Variants in DPP10 observed in about 807,000 individuals in gnomAD.
The protein encoded by DPP10 is inactive dipeptidyl peptidase 10.
In DPP10, 33 loss-of-function variants were observed where a neutral mutation model predicts 120.9. The ratio of observed to expected loss-of-function variants is 0.27; its 90% confidence interval spans 0.21 to 0.37. The LOEUF is 0.37. DPP10 is among the 10% of genes least tolerant of loss of function. The probability of loss-of-function intolerance (pLI) is 1.00; values close to 1 mark genes in which losing one functional copy is unlikely to be tolerated. For missense variants in DPP10, 816 were observed against 942.8 expected (o/e 0.87, Z 1.76); for synonymous variants, 337 against 326.1 (o/e 1.03, Z -0.36).
intron 1 of DPP10, among the ~76,000 whole-genome samples, chr2:115,208,238 C>T (rs1381157494): frequency 1.6e-5 from 2 of 127,870 alleles, no homozygotes; most frequent in Admixed American, 9.3e-5. Flanking sequence ...CTCCCTTTGT[C>T]GCCCAGGCTA....
intron 3 of DPP10, among the ~76,000 whole-genome samples, chr2:115,483,763 C>T (rs1166045645): frequency 6.6e-6 from 1 of 152,078 alleles, no homozygotes; most frequent in Non-Finnish European, 1.5e-5. Context: ...ATTCCGACTG[C>T]TCCTTGGCCA....
At chr2:114,810,973 C>T (rs1242193200) in intron 1 of DPP10, among the ~76,000 whole-genome samples, 3 of 152,158 alleles carry the variant, frequency 2.0e-5, no homozygotes, top group South Asian at 2.1e-4. Context: ...TAATATTTTA[C>T]AGCCAAAATG....
rs115647461 is a variant in DPP10, at chr2:114,511,432, C to T, written c.60+68594C>T. On this transcript the variant is annotated intron_variant, in intron 1 of 25. Transcript: ENST00000410059. ...GTCAGAGTAGGCTTTTGACATTTGC[C>T]CATTTATTCTTGCACTAAAATGAGC... Among the ~76,000 whole-genome samples, 390 of 152,172 alleles carry T rather than the reference C, an allele frequency of 2.6e-3. 1 individual carries two copies. The highest frequency in any genetic ancestry group is 9.1e-3 in the African/African-American group (379 of 41,504).
At chr2:115,018,767 T>C (rs1016981745) in intron 1 of DPP10, among the ~76,000 whole-genome samples, 1 of 152,216 alleles carries the variant, frequency 6.6e-6, no homozygotes, top group African/African-American at 2.4e-5. Flanking sequence ...ATGTAGATGA[T>C]GGACTGATGG....
At chr2:115,133,204 A>G (rs1345707782) in intron 1 of DPP10, among the ~76,000 whole-genome samples, 4 of 115,838 alleles carry the variant, frequency 3.5e-5, no homozygotes, top group Non-Finnish European at 5.3e-5. Context: ...CTTGAGACAG[A>G]GTCCCATTCT....
chr2:115,603,150 G>GTGTGTGTGTA (rs1558911779), intron 5 of DPP10, among the ~76,000 whole-genome samples: 12 of 149,294 alleles, frequency 8.0e-5, no homozygotes, highest in Non-Finnish European at 1.8e-4. Context: ...GTGTGTGTGT[G>GTGTGTGTGTA]TGTGTGTGTG....
intron 5 of DPP10, among the ~76,000 whole-genome samples, chr2:115,652,407 A>ATATGTG (rs1553470809): frequency 6.9e-4 from 81 of 117,118 alleles, no homozygotes; most frequent in African/African-American, 2.2e-3. Context: ...AATAGGATAT[A>ATATGTG]TATGTGTGTG....
chr2:115,022,633 A>G (rs1360306858), intron 1 of DPP10, among the ~76,000 whole-genome samples: 1 of 152,080 alleles, frequency 6.6e-6, no homozygotes, highest in East Asian at 1.9e-4. Context: ...CGTTCTCCAC[A>G]GAACTAGAAA....
chr2:115,089,570 C>T (rs1315740988), intron 1 of DPP10, among the ~76,000 whole-genome samples: 2 of 152,122 alleles, frequency 1.3e-5, no homozygotes, highest in African/African-American at 4.8e-5. Context: ...TAATAGCCAC[C>T]AATCATTTTT....
intron 1 of DPP10, among the ~76,000 whole-genome samples, chr2:114,863,112 TA>T (rs1303172843): frequency 3.3e-5 from 5 of 152,206 alleles, no homozygotes; most frequent in Admixed American, 1.3e-4. Context: ...AAAATCAACA[TA>T]TTTTTCTTGA....
At chr2:115,818,481 A>G (rs1037131) in intron 21 of DPP10, among the ~76,000 whole-genome samples, 56,196 of 152,020 alleles carry the variant, frequency 0.37, 10,672 homozygotes, top group Middle Eastern at 0.51. Context: ...ACAAACATTC[A>G]TGGAAATTTA....
At chr2:115,757,810 A>G (rs1679615889) in intron 11 of DPP10, among the ~76,000 whole-genome samples, 1 of 152,138 alleles carries the variant, frequency 6.6e-6, no homozygotes, top group African/African-American at 2.4e-5. Context: ...AGAATTAAAT[A>G]TCTTGGTAGA....
At position 114,760,004 on chromosome 2, in the gene DPP10, G is replaced by A. The variant is rs188193911; in HGVS notation, c.60+317166G>A. Among the ~76,000 whole-genome samples the A allele has an allele frequency of 2.0e-3, 299 of 152,220 alleles. 2 individuals carry two copies. The highest frequency in any genetic ancestry group is 6.8e-3 in the African/African-American group (283 of 41,532). ...TTCAATATTTCTTACTTCTTAAATC[G>A]TCAAGTCACCCACTTCTCACCACCT... On this transcript the variant is annotated intron_variant, in intron 1 of 25. Coordinates refer to ENST00000410059, the MANE Select transcript of DPP10 (RefSeq NM_020868.6).
intron 1 of DPP10, among the ~76,000 whole-genome samples, chr2:115,157,891 T>G (rs2104939128): frequency 6.6e-6 from 1 of 152,276 alleles, no homozygotes; most frequent in African/African-American, 2.4e-5. Context: ...CAAGGTGGTC[T>G]TTACATGACA....
At chr2:115,308,841 C>T (rs776810620) in intron 1 of DPP10, among the ~76,000 whole-genome samples, 1 of 151,838 alleles carries the variant, frequency 6.6e-6, no homozygotes, top group South Asian at 2.1e-4. Flanking sequence ...TAGAAAGTAG[C>T]CCGTAGTGCT....
intron 1 of DPP10, among the ~76,000 whole-genome samples, chr2:115,239,198 C>G (rs2058147186): frequency 6.6e-6 from 1 of 152,140 alleles, no homozygotes; most frequent in Admixed American, 6.6e-5. Context: ...TAGCTTGCAT[C>G]CTTCAATCAA....
chr2:115,018,927 G>C (rs2105158320), intron 1 of DPP10, among the ~76,000 whole-genome samples: 1 of 152,090 alleles, frequency 6.6e-6, no homozygotes, highest in East Asian at 1.9e-4. Flanking sequence ...AGAGAGCCCT[G>C]AGCAGCCCCA....
At chr2:115,150,601 T>C (rs17687793) in intron 1 of DPP10, among the ~76,000 whole-genome samples, 5,060 of 152,350 alleles carry the variant, frequency 0.033, 85 homozygotes, top group Non-Finnish European at 0.037. Context: ...ATAGCTGTTA[T>C]GTACTCTTTC....
At chr2:115,694,094 A>G (rs1331031636) in intron 7 of DPP10, among the ~76,000 whole-genome samples, 1 of 152,172 alleles carries the variant, frequency 6.6e-6, no homozygotes, top group Non-Finnish European at 1.5e-5. Context: ...GAAATTTCAT[A>G]TTTATCTAGT....
Sources: allele counts gnomAD v4.1 joint callset (sites outside exome capture counted in the v4.1 genomes callset), GRCh38; gene constraint gnomAD v4.1.1; transcripts MANE v1.5; gene names NCBI Gene and HGNC (gene_info 2026-07-23, HGNC 2026-07-21).